Variants in SHROOM3 observed in about 807,000 individuals in gnomAD.
SHROOM3 encodes the protein shroom family member 3, also known as protein Shroom3.
SHROOM3 carries 47 observed loss-of-function variants against 138.6 expected under a neutral mutation model. The ratio of observed to expected loss-of-function variants is 0.34; its 90% CI spans 0.27 to 0.43. The LOEUF is 0.43. Ranked by LOEUF, SHROOM3 falls within the 20% of genes least tolerant of loss-of-function variation. The pLI, the probability that SHROOM3 is intolerant of heterozygous loss-of-function variation, is 1.00. For synonymous variants in SHROOM3, 1,062 were observed against 1,063.3 expected, an observed-to-expected ratio of 1.00 and a Z score of 0.02; for missense variants, 2,491 against 2,596.5, an observed-to-expected ratio of 0.96 and a Z score of 0.88.
chr4:76,446,803 G>C (rs567808328), intron 1 of SHROOM3, among the ~76,000 whole-genome samples: 95 of 152,284 alleles, frequency 6.2e-4, no homozygotes, highest in Non-Finnish European at 1.2e-3. Flanking sequence ...TTATGAAGGA[G>C]TGCTCTTTAC....
intron 9 of SHROOM3, among the ~76,000 whole-genome samples, chr4:76,767,974 G>A (rs964665008): frequency 1.3e-5 from 2 of 152,166 alleles, no homozygotes; most frequent in Non-Finnish European, 2.9e-5. Context: ...ATGAGCTGAA[G>A]GCCTTTTCCT....
At chr4:76,518,483 T>C (rs66703692) in intron 1 of SHROOM3, among the ~76,000 whole-genome samples, 24,092 of 146,180 alleles carry the variant, frequency 0.16, 2,181 homozygotes, top group African/African-American at 0.24. Flanking sequence ...TTTTTGCCTG[T>C]CTGCCTGCCT....
At chr4:76,550,770 G>A (rs1733336982) in intron 1 of SHROOM3, among the ~76,000 whole-genome samples, 1 of 151,922 alleles carries the variant, frequency 6.6e-6, no homozygotes, top group Non-Finnish European at 1.5e-5. Flanking sequence ...AGGCTGAAGC[G>A]GGAGGCTTGC....
intron 2 of SHROOM3, among the ~76,000 whole-genome samples, chr4:76,630,175 G>T (rs1378535590): frequency 6.6e-6 from 1 of 152,086 alleles, no homozygotes; most frequent in Non-Finnish European, 1.5e-5. Context: ...TTGAACTAGG[G>T]GTCATCTACT....
intron 2 of SHROOM3, among the ~76,000 whole-genome samples, chr4:76,576,849 A>T (rs886777945): frequency 5.8e-4 from 89 of 152,150 alleles, no homozygotes; most frequent in African/African-American, 2.0e-3. Context: ...TTTTGTTATA[A>T]ATATTTTTAA....
chr4:76,473,983 TA>T (rs1317421633), intron 1 of SHROOM3, among the ~76,000 whole-genome samples: 1 of 152,012 alleles, frequency 6.6e-6, no homozygotes, highest in Non-Finnish European at 1.5e-5. Flanking sequence ...AATTAAAACA[TA>T]AGTCCACACA....
At chr4:76,506,034 C>T (rs1339633136) in intron 1 of SHROOM3, among the ~76,000 whole-genome samples, 2 of 152,084 alleles carry the variant, frequency 1.3e-5, no homozygotes, top group Non-Finnish European at 2.9e-5. Flanking sequence ...CCATAGAATA[C>T]TACGTAGCCA....
chr4:76,543,608 C>T (rs920913589), intron 1 of SHROOM3, among the ~76,000 whole-genome samples: 1 of 152,148 alleles, frequency 6.6e-6, no homozygotes, highest in African/African-American at 2.4e-5. Context: ...GGCAGCAGCT[C>T]GTTTTAGTTT....
intron 1 of SHROOM3, among the ~76,000 whole-genome samples, chr4:76,487,007 A>G (rs1230329272): frequency 6.6e-6 from 1 of 152,164 alleles, no homozygotes; most frequent in Non-Finnish European, 1.5e-5. Context: ...GAGTAGTGCA[A>G]CTATCACCAC....
chr4:76,610,447 C>CA (rs897171083), intron 2 of SHROOM3, among the ~76,000 whole-genome samples: 1 of 151,554 alleles, frequency 6.6e-6, no homozygotes, highest in South Asian at 2.1e-4. Flanking sequence ...ATTGAAACAC[C>CA]AAAAAAAAGT....
intron 4 of SHROOM3, among the ~76,000 whole-genome samples, chr4:76,735,839 T>TAAA (rs1170202101): frequency 9.2e-5 from 7 of 75,828 alleles, no homozygotes; most frequent in African/African-American, 1.8e-4. Flanking sequence ...GACTCTATCT[T>TAAA]AAAAAAAAAA....
At chr4:76,690,323 G>T (rs1719486444) in intron 2 of SHROOM3, among the ~76,000 whole-genome samples, 1 of 152,158 alleles carries the variant, frequency 6.6e-6, no homozygotes, top group African/African-American at 2.4e-5. Flanking sequence ...ACTCTCTGGG[G>T]GTGGGATGTA....
chr4:76,727,884 T>A (rs1488631248), intron 3 of SHROOM3, among the ~76,000 whole-genome samples: 3 of 33,964 alleles, frequency 8.8e-5, no homozygotes, highest in South Asian at 5.9e-4. Context: ...CAAGACTCCA[T>A]CTCAAAAAAA....
At chr4:76,469,171 A>T (rs1429674946) in intron 1 of SHROOM3, among the ~76,000 whole-genome samples, 1 of 152,170 alleles carries the variant, frequency 6.6e-6, no homozygotes, top group Non-Finnish European at 1.5e-5. Flanking sequence ...ACTGCACTCC[A>T]GCCTAGGCCA....
chr4:76,714,107 T>G (rs1720307458), intron 3 of SHROOM3, among the ~76,000 whole-genome samples: 1 of 152,246 alleles, frequency 6.6e-6, no homozygotes, highest in Non-Finnish European at 1.5e-5. Flanking sequence ...CAGCTTTCTC[T>G]AATGTTAACA....
At chr4:76,490,067 G>T (rs1005958372) in intron 1 of SHROOM3, among the ~76,000 whole-genome samples, 6 of 152,172 alleles carry the variant, frequency 3.9e-5, no homozygotes, top group Non-Finnish European at 2.9e-5. Flanking sequence ...TCATGTAAAT[G>T]AAGTGGTAGC....
At chr4:76,443,135 C>T (rs1483101108) in intron 1 of SHROOM3, among the ~76,000 whole-genome samples, 3 of 152,100 alleles carry the variant, frequency 2.0e-5, no homozygotes, top group Non-Finnish European at 4.4e-5. Flanking sequence ...AACTTTTAAA[C>T]CTTTAAAAAT....
At chr4:76,555,146 A>G (rs1342757787) in intron 1 of SHROOM3, among the ~76,000 whole-genome samples, 3 of 152,044 alleles carry the variant, frequency 2.0e-5, no homozygotes, top group Non-Finnish European at 4.4e-5. Context: ...AATAAATGCA[A>G]CGCACTTGAA....
intron 2 of SHROOM3, among the ~76,000 whole-genome samples, chr4:76,595,464 G>A (rs1277462209): frequency 1.3e-5 from 2 of 152,216 alleles, no homozygotes; most frequent in Admixed American, 6.5e-5. Flanking sequence ...CCTCATGGTT[G>A]CAAGGTGTTT....
Sources: gnomAD v4.1 joint callset for allele counts (sites outside exome capture counted in the v4.1 genomes callset) on GRCh38, gnomAD v4.1.1 for gene constraint, MANE v1.5 for transcripts, NCBI Gene and HGNC (gene_info 2026-07-23, HGNC 2026-07-21) for gene names.